Variants in SNAP91 observed in about 807,000 individuals in gnomAD.
SNAP91 encodes the protein clathrin coat assembly protein AP180.
A neutral mutation model predicts 100.3 loss-of-function variants in SNAP91; 27 were observed. That is an observed-to-expected ratio of 0.27 (90% confidence interval 0.20 to 0.37). The LOEUF (loss-of-function observed/expected upper bound fraction) is 0.37. Ranked by LOEUF, SNAP91 falls within the 10% of genes least tolerant of loss-of-function variation. The pLI is 1.00. For missense variants in SNAP91, 986 were observed against 1,123.7 expected (o/e 0.88, Z 1.75); for synonymous variants, 404 against 398.6 (o/e 1.01, Z -0.16).
At chr6:83,688,333 G>A (rs1481728611) in intron 2 of SNAP91, among the ~76,000 whole-genome samples, 1 of 152,072 alleles carries the variant, frequency 6.6e-6, no homozygotes, top group Non-Finnish European at 1.5e-5. Context: ...TTGAAACTCT[G>A]CATTGGCTTC....
At chr6:83,658,923 G>T in intron 6 of SNAP91, 76 bp downstream of exon 6, 2 of 1,083,138 alleles carry the variant, frequency 1.8e-6, no homozygotes, top group Non-Finnish European at 2.7e-6. Flanking sequence ...GGAAATCTTT[G>T]GATTTACCTG....
At chr6:83,619,400 A>G (rs1341184254) in intron 9 of SNAP91, among the ~76,000 whole-genome samples, 1 of 152,218 alleles carries the variant, frequency 6.6e-6, no homozygotes, top group Non-Finnish European at 1.5e-5. Context: ...GGCATGCAGT[A>G]GACAATAAAT....
chr6:83,614,722 T>A (rs926067704), intron 11 of SNAP91, 135 bp downstream of exon 11: 2 of 590,564 alleles, frequency 3.4e-6, no homozygotes, highest in African/African-American at 1.9e-5. Context: ...TAAAGCATAA[T>A]GAAAAAACAC....
chr6:83,580,745 AC>A, intron 23 of SNAP91, 146 bp from the exon 24 acceptor site: 1 of 675,836 alleles, frequency 1.5e-6, no homozygotes, highest in Non-Finnish European at 2.4e-6. Flanking sequence ...ACTTTTCATG[AC>A]TGTAACACCA....
At position 83,577,556 on chromosome 6, in the gene SNAP91, G is replaced by A. The variant is rs144936857; in HGVS notation, c.2300-1503C>T. Among the ~76,000 whole-genome samples the A allele has an allele frequency of 8.5e-3, 1,288 of 152,190 alleles. 14 individuals carry two copies. The highest frequency in any genetic ancestry group is 0.029 in the African/African-American group (1,205 of 41,502). Reference sequence around the variant, plus strand: ...TGGCAGACGGGAATGAGTTACCTGAGGGCCTGGGCCTCTGTTGCAAGCTAG... The same window carrying A: ...TGGCAGACGGGAATGAGTTACCTGAAGGCCTGGGCCTCTGTTGCAAGCTAG... On this transcript the variant is annotated intron_variant, in intron 24 of 29. Coordinates refer to ENST00000369694, the MANE Select transcript of SNAP91 (RefSeq NM_001242792.2).
chr6:83,582,284 T>C lies in SNAP91; in HGVS notation c.2087A>G (p.Asn696Ser). Reference sequence around the variant, plus strand: ...CGTTGTCCCAAAAGCTGCCTCAAAATTGGGCTGTAGCAGGTTATTCTGAGC... The same window carrying C: ...CGTTGTCCCAAAAGCTGCCTCAAAACTGGGCTGTAGCAGGTTATTCTGAGC... Reference protein sequence around the residue: ...TPAQNNLLQPNFEAAFGTTPS... With the variant: ...TPAQNNLLQPSFEAAFGTTPS... Residue 696 changes from asparagine (N) to serine (S), a missense_variant, in exon 23 of 30, where the codon AAT becomes AGT. Physicochemically the swap from Asn to Ser is conservative, Grantham distance 46 (BLOSUM62 1). Transcript: ENST00000369694. 1 of 1,613,712 alleles carries C rather than the reference T, an allele frequency of 6.2e-7. No individual in the cohort carries two copies. Among genetic ancestry groups the C allele is most frequent in the Non-Finnish European group, 8.5e-7 (1 of 1,179,780 alleles).
chr6:83,633,857 G>A (rs1366367799), intron 8 of SNAP91, among the ~76,000 whole-genome samples: 1 of 151,572 alleles, frequency 6.6e-6, no homozygotes, highest in African/African-American at 2.4e-5. Flanking sequence ...TGTGGTGTCT[G>A]CACACAGATT....
chr6:83,628,729 C>A (rs1032166665), intron 8 of SNAP91, among the ~76,000 whole-genome samples: 2 of 150,484 alleles, frequency 1.3e-5, no homozygotes, highest in African/African-American at 4.9e-5. Flanking sequence ...TTTTTTCTTG[C>A]TGATTTGAGT....
At chr6:83,590,230 T>C (rs1449531567) in intron 22 of SNAP91, among the ~76,000 whole-genome samples, 1 of 152,190 alleles carries the variant, frequency 6.6e-6, no homozygotes, top group African/African-American at 2.4e-5. Context: ...GCCAACAATG[T>C]CTTGTGAGTT....
chr6:83,664,393 T>C (rs539221754), intron 3 of SNAP91, among the ~76,000 whole-genome samples: 11 of 149,776 alleles, frequency 7.3e-5, no homozygotes, highest in African/African-American at 2.2e-4. Context: ...TTAAAAACAT[T>C]TGTGATTCAT....
At chr6:83,702,930 C>G (rs770783103) in intron 2 of SNAP91, among the ~76,000 whole-genome samples, 20 of 152,128 alleles carry the variant, frequency 1.3e-4, no homozygotes, top group Non-Finnish European at 2.4e-4. Flanking sequence ...TCCTGCCAAC[C>G]CTGATCACAT....
chr6:83,629,205 T>C lies in SNAP91; in HGVS notation c.766-5863A>G, dbSNP rs1408174502. 2.0e-5 allele frequency among the ~76,000 whole-genome samples: 3 copies of C among 152,188 alleles called. No individual in the cohort carries two copies. In the East Asian group the frequency reaches 5.8e-4, roughly 29 times the overall value. The stretch of plus-strand genomic sequence containing the variant: ...GGGTTTACTTCTGGGTTATCTGTTC[T>C]GTTCCATTGGTCTATGTGCCTATTT... On this transcript the variant is annotated intron_variant, in intron 8 of 29. Transcript: ENST00000369694.
chr6:83,626,785 G>C (rs923298952), intron 8 of SNAP91, among the ~76,000 whole-genome samples: 1 of 151,974 alleles, frequency 6.6e-6, no homozygotes, highest in Admixed American at 6.6e-5. Flanking sequence ...TTTTCTAGGT[G>C]TAGAATCATA....
At chr6:83,578,225 A>G (rs528977860) in intron 24 of SNAP91, among the ~76,000 whole-genome samples, 4 of 152,226 alleles carry the variant, frequency 2.6e-5, no homozygotes, top group East Asian at 3.9e-4. Context: ...TTTCCACTCC[A>G]TACACCTAGG....
intron 2 of SNAP91, among the ~76,000 whole-genome samples, chr6:83,668,438 C>G (rs2098725611): frequency 1.3e-5 from 2 of 152,144 alleles, no homozygotes; most frequent in Admixed American, 1.3e-4. Context: ...CCCGAATGTC[C>G]ATCAATGATA....
Position 83,580,588 on chromosome 6 carries a change from G to A in SNAP91, c.2161C>T (p.Leu721=), listed in dbSNP as rs1445763525. The A allele has an allele frequency of 6.2e-7, 1 of 1,607,910 alleles. No homozygotes were observed. Among genetic ancestry groups the A allele is most frequent in the South Asian group, 1.1e-5 (1 of 89,344 alleles). The change falls in exon 24 of 30, where the codon CTA becomes TTA. Residue 721 remains leucine, a synonymous_variant. Coordinates refer to ENST00000369694, the MANE Select transcript of SNAP91 (RefSeq NM_001242792.2). ...SSFDPSVFDG[L]GDLLMPTMAP... Reference sequence around the variant, plus strand: ...ATGGTTGGCATCAAAAGATCACCTAGACCATCAAACACTGGAAATCAAATA... The same window carrying A: ...ATGGTTGGCATCAAAAGATCACCTAAACCATCAAACACTGGAAATCAAATA...
chr6:83,684,611 A>T (rs1287964646), intron 2 of SNAP91, among the ~76,000 whole-genome samples: 1 of 152,178 alleles, frequency 6.6e-6, no homozygotes, highest in East Asian at 1.9e-4. Flanking sequence ...TTATTCACAT[A>T]TCTGTGCACT....
At chr6:83,679,475 A>T (rs2098957013) in intron 2 of SNAP91, among the ~76,000 whole-genome samples, 1 of 152,188 alleles carries the variant, frequency 6.6e-6, no homozygotes, top group South Asian at 2.1e-4. Context: ...AAATTTAGAA[A>T]TAAAAGTCGA....
At chr6:83,594,236 ATTAT>A (rs2094197996) in intron 17 of SNAP91, 134 bp downstream of exon 17, 2 of 677,694 alleles carry the variant, frequency 3.0e-6, no homozygotes, top group African/African-American at 1.8e-5. Context: ...AAATGCTGGC[ATTAT>A]TTATTTAGTT....
Sources: gnomAD v4.1 joint callset for allele counts (sites outside exome capture counted in the v4.1 genomes callset) on GRCh38, gnomAD v4.1.1 for gene constraint, MANE v1.5 for transcripts, NCBI Gene and HGNC (gene_info 2026-07-23, HGNC 2026-07-21) for gene names.